Variants in TMPRSS11D observed in about 807,000 individuals in gnomAD.
The protein encoded by TMPRSS11D is transmembrane protease serine 11D.
Under a neutral mutation model 44.4 loss-of-function variants are expected in TMPRSS11D, and 32 were observed. The ratio of observed to expected loss-of-function variants is 0.72; its 90% confidence interval spans 0.54 to 0.97. The LOEUF (loss-of-function observed/expected upper bound fraction) is 0.97. TMPRSS11D is among the 50% of genes least tolerant of loss of function. TMPRSS11D has a pLI of 0.00. For synonymous variants in TMPRSS11D, 179 were observed against 177.9 expected (o/e 1.01, Z -0.05); for missense variants, 446 against 502.6 (o/e 0.89, Z 1.08).
At chr4:67,851,076 C>G (rs564834772) in intron 3 of TMPRSS11D, among the ~76,000 whole-genome samples, 1 of 152,208 alleles carries the variant, frequency 6.6e-6, no homozygotes, top group Non-Finnish European at 1.5e-5. Context: ...CCTTTGTACA[C>G]AGACTGAGAA....
chr4:67,878,338 G>C (rs1279718559), intron 1 of TMPRSS11D, among the ~76,000 whole-genome samples: 1 of 152,164 alleles, frequency 6.6e-6, no homozygotes, highest in African/African-American at 2.4e-5. Flanking sequence ...TGGAAGGTTT[G>C]TAGTTTTCAG....
chr4:67,826,093 T>G (rs555286277), intron 8 of TMPRSS11D, among the ~76,000 whole-genome samples: 1 of 152,220 alleles, frequency 6.6e-6, no homozygotes, highest in Admixed American at 6.6e-5. Flanking sequence ...TTTTTTTCTT[T>G]AGCTTTGTGA....
intron 1 of TMPRSS11D, chr4:67,860,474 T>C (rs1306949483): frequency 6.6e-6 from 1 of 152,080 alleles, no homozygotes; most frequent in Admixed American, 6.6e-5. Flanking sequence ...CTCAAAAGGC[T>C]GTTTTGAAGA....
chr4:67,842,783 G>A (rs982297565), intron 3 of TMPRSS11D, among the ~76,000 whole-genome samples, 158 bp from the exon 4 acceptor site: 1 of 152,134 alleles, frequency 6.6e-6, no homozygotes, highest in Non-Finnish European at 1.5e-5. Context: ...GATTGATTTG[G>A]GCAGGTTCTA....
At chr4:67,875,601 G>A (rs2109703906) in intron 1 of TMPRSS11D, among the ~76,000 whole-genome samples, 1 of 152,374 alleles carries the variant, frequency 6.6e-6, no homozygotes, top group Admixed American at 6.5e-5. Context: ...GAGAGAGACA[G>A]CGCAGCTGAG....
intron 3 of TMPRSS11D, among the ~76,000 whole-genome samples, chr4:67,851,729 G>C (rs564922543): frequency 6.6e-6 from 1 of 152,080 alleles, no homozygotes; most frequent in East Asian, 1.9e-4. Context: ...CTTTCATTTC[G>C]GTTTCCTCTT....
chr4:67,838,374 T>C (rs1718153245), intron 4 of TMPRSS11D, 45 bp from the exon 5 acceptor site: 1 of 1,462,986 alleles, frequency 6.8e-7, no homozygotes. Flanking sequence ...ATATGACAAT[T>C]TTTCACCATC....
intron 3 of TMPRSS11D, among the ~76,000 whole-genome samples, chr4:67,846,910 ATT>A (rs35544443): frequency 0.022 from 3,224 of 145,300 alleles, 95 homozygotes; most frequent in African/African-American, 0.072. Flanking sequence ...CTAAAAAGTG[ATT>A]TTTTTTTTTT....
At chr4:67,823,020 CACTT>C (rs1333931894) in intron 9 of TMPRSS11D, among the ~76,000 whole-genome samples, 1 of 152,128 alleles carries the variant, frequency 6.6e-6, no homozygotes, top group African/African-American at 2.4e-5. Flanking sequence ...CTGAAACACT[CACTT>C]GCATTTGTGA....
At chr4:67,829,767 G>C (rs986944866) in intron 7 of TMPRSS11D, among the ~76,000 whole-genome samples, 12 of 152,090 alleles carry the variant, frequency 7.9e-5, no homozygotes, top group African/African-American at 2.9e-4. Context: ...TATATGAAAA[G>C]ATACTCAAAC....
intron 3 of TMPRSS11D, among the ~76,000 whole-genome samples, chr4:67,843,317 A>G (rs1016859489): frequency 4.6e-5 from 7 of 152,078 alleles, no homozygotes; most frequent in African/African-American, 1.4e-4. Context: ...GTTAATGGGT[A>G]GAAAAATATA....
intron 9 of TMPRSS11D, among the ~76,000 whole-genome samples, chr4:67,823,719 C>T (rs1717709170): frequency 6.6e-6 from 1 of 152,106 alleles, no homozygotes; most frequent in Non-Finnish European, 1.5e-5. Context: ...TGCCAATATG[C>T]ATGGCAAGTA....
At chr4:67,868,024 T>A (rs1577829635) in intron 1 of TMPRSS11D, among the ~76,000 whole-genome samples, 1 of 152,230 alleles carries the variant, frequency 6.6e-6, no homozygotes, top group Middle Eastern at 3.4e-3. Flanking sequence ...ATATGTTTAT[T>A]GCAGCACTAT....
chr4:67,822,461 C>T lies in TMPRSS11D; in HGVS notation c.1133G>A (p.Arg378Gln), dbSNP rs556487000. 36 of 1,613,840 alleles carry T rather than the reference C, an allele frequency of 2.2e-5. No individual in the cohort carries two copies. Among genetic ancestry groups the T allele is most frequent in the Non-Finnish European group, 2.7e-5 (32 of 1,179,864 alleles). The change falls in exon 10 of 10, where the codon CGG (arginine) becomes CAG (glutamine). Residue 378 changes from arginine to glutamine, a missense_variant. Arg to Gln is a conservative substitution (Grantham distance 43). Transcript: ENST00000283916. ...TATCCCCACAATAAACCAAAGCCGCCGTGAGTCTTCTTGTACTAGTGGGCC... is the reference window on the plus strand; with the variant it reads ...TATCCCCACAATAAACCAAAGCCGCTGTGAGTCTTCTTGTACTAGTGGGCC... ...SGGPLVQEDSRRLWFIVGIVS... is the reference protein window; with the variant it reads ...SGGPLVQEDSQRLWFIVGIVS...
rs1249325351 is a variant in TMPRSS11D at position 67,846,980 on chromosome 4, C to CT, written c.250-4356dup. On this transcript the variant is annotated intron_variant, in intron 3 of 9. Coordinates refer to ENST00000283916, the MANE Select transcript of TMPRSS11D (RefSeq NM_004262.3). ...GAGTGCAATGGGTGATCTTGGCTCA[C>CT]TGCAACCTCTGCCTCCCAGGTTCAA... 3.3e-5 allele frequency among the ~76,000 whole-genome samples: 5 copies of CT among 151,880 alleles called. No homozygotes were observed. In the East Asian group the frequency reaches 9.7e-4, roughly 29 times the overall value.
intron 3 of TMPRSS11D, among the ~76,000 whole-genome samples, chr4:67,851,154 G>T (rs1185945967): frequency 2.0e-5 from 3 of 152,214 alleles, no homozygotes; most frequent in Non-Finnish European, 4.4e-5. Context: ...ACTACTGTAT[G>T]TGTCTGGGAG....
At chr4:67,849,624 G>A (rs1004907748) in intron 3 of TMPRSS11D, among the ~76,000 whole-genome samples, 3 of 152,132 alleles carry the variant, frequency 2.0e-5, no homozygotes, top group African/African-American at 7.2e-5. Flanking sequence ...TTTTGTGTAA[G>A]AATGTACTAT....
At chr4:67,845,687 T>C (rs1229302497) in intron 3 of TMPRSS11D, among the ~76,000 whole-genome samples, 1 of 152,122 alleles carries the variant, frequency 6.6e-6, no homozygotes, top group Non-Finnish European at 1.5e-5. Context: ...AAAAACTGAG[T>C]AAACATTGAA....
chr4:67,851,106 C>T (rs944263832), intron 3 of TMPRSS11D, among the ~76,000 whole-genome samples: 5 of 152,264 alleles, frequency 3.3e-5, no homozygotes, highest in Non-Finnish European at 5.9e-5. Context: ...TGTACCGAAG[C>T]GGGAGCTGGT....
Sources: allele counts gnomAD v4.1 joint callset (sites outside exome capture counted in the v4.1 genomes callset), GRCh38; gene constraint gnomAD v4.1.1; transcripts MANE v1.5; gene names NCBI Gene and HGNC (gene_info 2026-07-23, HGNC 2026-07-21).